Variants in SOCS7 observed in about 807,000 individuals in gnomAD.
SOCS7 encodes NAP-4.
In SOCS7, 18 loss-of-function variants were observed where a neutral mutation model predicts 58.9. The observed-to-expected ratio is 0.31, with a 90% confidence interval of 0.21 to 0.45. SOCS7 has a LOEUF of 0.45. SOCS7 is among the 20% of genes least tolerant of loss of function. SOCS7 has a pLI of 1.00. For synonymous variants in SOCS7, 388 were observed against 364.3 expected, an observed-to-expected ratio of 1.06 and a Z score of -0.74; for missense variants, 667 against 837.3, an observed-to-expected ratio of 0.80 and a Z score of 2.51.
intron 1 of SOCS7, among the ~76,000 whole-genome samples, chr17:38,359,698 C>G (rs1161980980): frequency 4.6e-5 from 7 of 151,448 alleles, no homozygotes; most frequent in Non-Finnish European, 8.8e-5. Context: ...GAGACAGGCA[C>G]TCAATTCTGC....
Position 38,395,304 on chromosome 17 carries a change from T to C in SOCS7, c.1682-5T>C, listed in dbSNP as rs929587620. On this transcript the variant is annotated splice_region_variant and splice_polypyrimidine_tract_variant and intron_variant, in intron 7 of 9. Transcript: ENST00000612932. ...GAATACTTTCCTTTGTTTTCTTTCT[T>C]GAAGGACTGCCACCAACTCCTGTCC... 4 of 1,613,446 alleles carry C rather than the reference T, an allele frequency of 2.5e-6. No homozygotes were observed. The highest frequency in any genetic ancestry group is 3.4e-6 in the Non-Finnish European group (4 of 1,179,484).
intron 7 of SOCS7, among the ~76,000 whole-genome samples, chr17:38,385,356 G>A (rs1220323562): frequency 6.6e-6 from 1 of 151,608 alleles, no homozygotes; most frequent in African/African-American, 2.4e-5. Flanking sequence ...CTGTAAAATG[G>A]TAATTGAATT....
chr17:38,379,457 C>T (rs915422564), intron 7 of SOCS7, among the ~76,000 whole-genome samples: 3 of 151,908 alleles, frequency 2.0e-5, no homozygotes, highest in Non-Finnish European at 4.4e-5. Context: ...CCAGTCTGGG[C>T]GACAGAGCCA....
rs781748130 is a variant in SOCS7 at position 38,368,737 on chromosome 17, G to C, written c.1552+687G>C. 9.2e-5 allele frequency among the ~76,000 whole-genome samples: 14 copies of C among 152,074 alleles called. No individual in the cohort carries two copies. In the South Asian group the frequency reaches 1.2e-3, roughly 14 times the overall value. ...GGCTGGTCTCAAACTCCTGACCTCA[G>C]GTGATCCACCCGCCTCGGCCTCCCA... On this transcript the variant is annotated intron_variant, in intron 6 of 9. Transcript: ENST00000612932.
chr17:38,359,830 G>T (rs2037692334), intron 1 of SOCS7, among the ~76,000 whole-genome samples: 1 of 151,774 alleles, frequency 6.6e-6, no homozygotes, highest in Non-Finnish European at 1.5e-5. Context: ...AGGCTGGAAT[G>T]CAGTGGCTCA....
chr17:38,363,084 A>C (rs1021684816), intron 2 of SOCS7, among the ~76,000 whole-genome samples: 3 of 152,100 alleles, frequency 2.0e-5, no homozygotes, highest in Admixed American at 6.5e-5. Context: ...ACTGCACTCC[A>C]GCCTGAGCGA....
At chr17:38,381,738 C>T (rs531124774) in intron 7 of SOCS7, among the ~76,000 whole-genome samples, 2 of 149,588 alleles carry the variant, frequency 1.3e-5, no homozygotes, top group Admixed American at 6.7e-5. Context: ...CCAAGGTGGG[C>T]GGATTGCCTG....
At chr17:38,390,567 G>C (rs1418674338) in intron 7 of SOCS7, among the ~76,000 whole-genome samples, 1 of 152,038 alleles carries the variant, frequency 6.6e-6, no homozygotes, top group Non-Finnish European at 1.5e-5. Context: ...CATGGACATA[G>C]GCTGTCTTTC....
chr17:38,389,870 T>TATATATATATGTAC lies in SOCS7; in HGVS notation c.1682-5429_1682-5428insGTACATATATATAT, dbSNP rs2038136436. Among the ~76,000 whole-genome samples, 110 of 95,260 alleles carry TATATATATATGTAC rather than the reference T, an allele frequency of 1.2e-3. 5 individuals are homozygous for TATATATATATGTAC. The highest frequency in any genetic ancestry group is 1.9e-3 in the African/African-American group (43 of 22,838). The allele number at this position is 95,260 out of a possible 152,430, so 62.5% of individuals were successfully genotyped here. ...TTTGTTTGGTGTGTATGTGTGTACA[T>TATATATATATGTAC]ATATATATATATGTACATATATATA... On this transcript the variant is annotated intron_variant, in intron 7 of 9. Transcript: ENST00000612932.
At chr17:38,383,120 T>C (rs1001660111) in intron 7 of SOCS7, among the ~76,000 whole-genome samples, 1 of 152,138 alleles carries the variant, frequency 6.6e-6, no homozygotes, top group Non-Finnish European at 1.5e-5. Flanking sequence ...AAGTTCTGGA[T>C]CCAGAGCACC....
At position 38,379,458 on chromosome 17, in the gene SOCS7, G is replaced by A. The variant is rs576646308; in HGVS notation, c.1681+1616G>A. Among the ~76,000 whole-genome samples, 9 of 152,186 alleles carry A rather than the reference G, an allele frequency of 5.9e-5. No homozygotes were observed. The East Asian group carries it at 9.7e-4, about 16-fold the overall frequency. On this transcript the variant is annotated intron_variant, in intron 7 of 9. Transcript: ENST00000612932. ...TGCGCCATTGCACTCCAGTCTGGGC[G>A]ACAGAGCCAGACTCTTTCAAAAAAA...
rs528496763 is a variant in SOCS7 at position 38,404,398 on chromosome 17, C to T, written c.*4916C>T. On this transcript the variant is annotated 3_prime_UTR_variant, in exon 10 of 10. Transcript: ENST00000612932. Reference sequence around the variant, plus strand: ...CCTGTCCTCTCCACACCTGCTATCCCGTCCCACTCCCATCTACCTCCCGGG... The same window carrying T: ...CCTGTCCTCTCCACACCTGCTATCCTGTCCCACTCCCATCTACCTCCCGGG... 36 of 152,468 alleles carry T rather than the reference C, an allele frequency of 2.4e-4. No homozygotes were observed. Among genetic ancestry groups the T allele is most frequent in the Non-Finnish European group, 5.0e-4 (34 of 68,166 alleles). The allele number at this position is 152,468 out of a possible 1,614,324, so 9.4% of individuals were successfully genotyped here. A position where few individuals can be genotyped will look rare whatever the true frequency, so the allele number is the denominator to read the frequency against.
intron 6 of SOCS7, among the ~76,000 whole-genome samples, chr17:38,369,674 CTTTTT>C (rs11299884): frequency 1.6e-5 from 2 of 125,978 alleles, no homozygotes; most frequent in Non-Finnish European, 1.7e-5. Flanking sequence ...TCTCCGATTA[CTTTTT>C]TTTTTTTTTT....
At chr17:38,369,659 A>G (rs1700653140) in intron 6 of SOCS7, among the ~76,000 whole-genome samples, 1 of 150,700 alleles carries the variant, frequency 6.6e-6, no homozygotes, top group Non-Finnish European at 1.5e-5. Context: ...GGTCTTTCAA[A>G]TAGTTCTCCG....
rs925435595 is a variant in SOCS7, at chr17:38,352,184, C to T, written c.132C>T (p.Gly44=). 9.3e-6 allele frequency: 12 copies of T among 1,294,668 alleles called. No individual in the cohort carries two copies. Among genetic ancestry groups the T allele is most frequent in the Admixed American group, 4.2e-5 (1 of 23,638 alleles). 80.2% of individuals were successfully genotyped at this position (1,294,668 alleles called of 1,614,324 possible). ...CTCCGCCACCGCCCCCGGGCCATGGCCCCCCGCCGCCACCCTTCCTCGCGC... is the reference window on the plus strand; with the variant it reads ...CTCCGCCACCGCCCCCGGGCCATGGTCCCCCGCCGCCACCCTTCCTCGCGC... ...PGPPPPPPGH[G]PPPPPFLARP... The change falls in exon 1 of 10, where the codon GGC becomes GGT. Residue 44 remains glycine, a synonymous_variant. Transcript: ENST00000612932. The surrounding 1 kb of genome is among the most constrained non-coding windows in gnomAD (Gnocchi z 5.5).
chr17:38,402,865 C>T lies in SOCS7; in HGVS notation c.*3383C>T, dbSNP rs1171917455. 12 of 152,192 alleles carry T rather than the reference C, an allele frequency of 7.9e-5. No individual in the cohort carries two copies. Among genetic ancestry groups the T allele is most frequent in the African/African-American group, 2.9e-4 (12 of 41,442 alleles). 9.4% of individuals were successfully genotyped at this position (152,192 alleles called of 1,614,324 possible). On this transcript the variant is annotated 3_prime_UTR_variant, in exon 10 of 10. Transcript: ENST00000612932. ...GGCCTCAGTGCCTGCATAACCCTCA[C>T]CTGTTTATGACTGATCTACTGTAAC...
At chr17:38,376,748 TATAAG>T (rs913306741) in intron 6 of SOCS7, among the ~76,000 whole-genome samples, 12 of 151,986 alleles carry the variant, frequency 7.9e-5, no homozygotes, top group East Asian at 5.8e-4. Flanking sequence ...AAAAAAAAGT[TATAAG>T]GTAACAACAC....
intron 7 of SOCS7, among the ~76,000 whole-genome samples, chr17:38,383,877 A>G (rs983202387): frequency 6.6e-6 from 1 of 152,106 alleles, no homozygotes; most frequent in Non-Finnish European, 1.5e-5. Context: ...AGAACACTCA[A>G]ACATTTGCTG....
chr17:38,360,641 G>A (rs1196422864), intron 1 of SOCS7, among the ~76,000 whole-genome samples: 1 of 152,022 alleles, frequency 6.6e-6, no homozygotes, highest in African/African-American at 2.4e-5. Context: ...CTGGGTTCAC[G>A]CCGTTCTCCT....
Sources: gnomAD v4.1 joint callset for allele counts (sites outside exome capture counted in the v4.1 genomes callset) on GRCh38, gnomAD v4.1.1 for gene constraint, Gnocchi (gnomAD v3.1) non-coding constraint, MANE v1.5 for transcripts, NCBI Gene and HGNC (gene_info 2026-07-23, HGNC 2026-07-21) for gene names.